FTO: variants seen among roughly 807,000 people sequenced by gnomAD.
FTO encodes the protein FTO alpha-ketoglutarate dependent dioxygenase, also known as alpha-ketoglutarate-dependent dioxygenase FTO.
Under a neutral mutation model 63.9 loss-of-function variants are expected in FTO, and 47 were observed. That is an observed-to-expected ratio of 0.74 (90% CI 0.58 to 0.94). The LOEUF (loss-of-function observed/expected upper bound fraction) is 0.94. FTO is among the 40% of genes least tolerant of loss of function. The pLI is 0.00. For synonymous variants in FTO, 207 were observed against 224.4 expected, an observed-to-expected ratio of 0.92 and a Z score of 0.69; for missense variants, 562 against 618.1, an observed-to-expected ratio of 0.91 and a Z score of 0.96.
rs149786995 is a variant in FTO at position 53,971,055 on chromosome 16, G to A, written c.1364+36946G>A. On this transcript the variant is annotated intron_variant, in intron 8 of 8. Coordinates refer to ENST00000471389, the MANE Select transcript of FTO (RefSeq NM_001080432.3). ...CATTTTATATACATGTTTTAAAATA[G>A]TTGTAATCATAGGAGCCTGTGATTT... Among the ~76,000 whole-genome samples, 140 of 152,280 alleles carry A rather than the reference G, an allele frequency of 9.2e-4. 3 individuals are homozygous for A. The East Asian group carries it at 0.025, about 27-fold the overall frequency.
intron 8 of FTO, among the ~76,000 whole-genome samples, chr16:53,958,186 A>T (rs1250491948): frequency 6.6e-6 from 1 of 152,226 alleles, no homozygotes; most frequent in Non-Finnish European, 1.5e-5. Context: ...ATGCGTGGCC[A>T]TTTTAAGAGA....
intron 8 of FTO, among the ~76,000 whole-genome samples, chr16:53,944,168 A>G (rs1051904027): frequency 2.0e-5 from 3 of 152,292 alleles, no homozygotes; most frequent in East Asian, 1.9e-4. Context: ...ATGAGGAGCT[A>G]TCTTAGGTCC....
At chr16:54,088,593 C>T (rs1412352924) in intron 8 of FTO, among the ~76,000 whole-genome samples, 5 of 152,152 alleles carry the variant, frequency 3.3e-5, no homozygotes, top group African/African-American at 9.7e-5. Flanking sequence ...TGAGATATTT[C>T]GTATTTTGAA....
At chr16:54,055,519 A>G (rs1288681858) in intron 8 of FTO, among the ~76,000 whole-genome samples, 1 of 152,208 alleles carries the variant, frequency 6.6e-6, no homozygotes, top group African/African-American at 2.4e-5. Flanking sequence ...GAAAGGATAT[A>G]TAGGAATTAA....
intron 1 of FTO, among the ~76,000 whole-genome samples, chr16:53,792,833 G>A (rs2077961752): frequency 6.6e-6 from 1 of 152,160 alleles, no homozygotes; most frequent in Non-Finnish European, 1.5e-5. Flanking sequence ...AATGTCAAGG[G>A]GTGTATCATT....
At chr16:53,895,235 T>C (rs2081249541) in intron 7 of FTO, among the ~76,000 whole-genome samples, 1 of 152,020 alleles carries the variant, frequency 6.6e-6, no homozygotes, top group South Asian at 2.1e-4. Context: ...ATCTTATGAA[T>C]TTCAGAGTTT....
At chr16:53,746,820 T>C (rs767930651) in intron 1 of FTO, among the ~76,000 whole-genome samples, 75 of 152,204 alleles carry the variant, frequency 4.9e-4, no homozygotes, top group Non-Finnish European at 8.4e-4. Flanking sequence ...TCCTGTCTAA[T>C]TGAGGCTTTG....
intron 1 of FTO, among the ~76,000 whole-genome samples, chr16:53,736,148 T>G (rs1392905922): frequency 6.6e-6 from 1 of 152,190 alleles, no homozygotes; most frequent in African/African-American, 2.4e-5. Context: ...CTGGTAGAGT[T>G]GAGGGTTTGA....
intron 7 of FTO, among the ~76,000 whole-genome samples, chr16:53,893,404 C>G (rs2081201872): frequency 6.6e-6 from 1 of 152,112 alleles, no homozygotes; most frequent in Non-Finnish European, 1.5e-5. Context: ...TTGAAAGAAA[C>G]TGTACAGCTG....
rs115241974 is a variant in FTO, at chr16:54,117,488, T to C, written c.*5573T>C. On this transcript the variant is annotated 3_prime_UTR_variant, in exon 9 of 9. Coordinates refer to ENST00000471389, the MANE Select transcript of FTO (RefSeq NM_001080432.3). ...AAGTGATTCATATCATGTCTGGTAC[T>C]TAAAAATCACGCCACGCATGTACAT... The C allele has an allele frequency of 5.8e-4, 89 of 152,306 alleles. No homozygotes were observed. Among genetic ancestry groups the C allele is most frequent in the African/African-American group, 2.1e-3 (86 of 41,562 alleles). 9.4% of individuals were successfully genotyped at this position (152,306 alleles called of 1,614,324 possible). A position where few individuals can be genotyped will look rare whatever the true frequency, so the allele number is the denominator to read the frequency against.
chr16:53,963,935 T>C (rs577540020), intron 8 of FTO, among the ~76,000 whole-genome samples: 78 of 152,284 alleles, frequency 5.1e-4, no homozygotes, highest in Admixed American at 9.1e-4. Context: ...ATATTTTTAG[T>C]AGAGACAGGG....
At chr16:54,026,192 G>T (rs534219956) in intron 8 of FTO, among the ~76,000 whole-genome samples, 5 of 152,276 alleles carry the variant, frequency 3.3e-5, no homozygotes, top group African/African-American at 1.2e-4. Flanking sequence ...AAAGAACAGG[G>T]TTATTCTGGT....
At chr16:54,024,259 C>G (rs548450795) in intron 8 of FTO, among the ~76,000 whole-genome samples, 1 of 152,274 alleles carries the variant, frequency 6.6e-6, no homozygotes, top group South Asian at 2.1e-4. Flanking sequence ...CAGTCTCACT[C>G]TGTCACCAGG....
chr16:53,821,131 C>G (rs2078857553), intron 2 of FTO, among the ~76,000 whole-genome samples: 1 of 152,058 alleles, frequency 6.6e-6, no homozygotes, highest in African/African-American at 2.4e-5. Context: ...ATAAGGGCAG[C>G]AGAATTTTAA....
chr16:54,081,116 A>AT (rs1286943340), intron 8 of FTO, among the ~76,000 whole-genome samples: 2 of 151,822 alleles, frequency 1.3e-5, no homozygotes, highest in African/African-American at 4.8e-5. Context: ...TCGCATCAAT[A>AT]TTTTTTTTCA....
intron 8 of FTO, among the ~76,000 whole-genome samples, chr16:54,034,521 T>C (rs1256412058): frequency 6.6e-6 from 1 of 152,174 alleles, no homozygotes; most frequent in Non-Finnish European, 1.5e-5. Context: ...CCCAAAAGTT[T>C]CCCAAATTCT....
chr16:53,735,548 C>G (rs544890263), intron 1 of FTO, among the ~76,000 whole-genome samples: 1 of 152,186 alleles, frequency 6.6e-6, no homozygotes, highest in Non-Finnish European at 1.5e-5. Flanking sequence ...TGATCACCCT[C>G]CTTTTTTAGG....
rs1420570 is a variant in FTO, at chr16:53,885,287, T to G, written c.1120-3545T>G. On this transcript the variant is annotated intron_variant, in intron 6 of 8. Coordinates refer to ENST00000471389, the MANE Select transcript of FTO (RefSeq NM_001080432.3). ...GTTTAAGGAGAGAGTCAGCTACTTCTTTCTCTTGGCAGTGGGGAAACTGGT... is the reference window on the plus strand; with the variant it reads ...GTTTAAGGAGAGAGTCAGCTACTTCGTTCTCTTGGCAGTGGGGAAACTGGT... Among the ~76,000 whole-genome samples the G allele has an allele frequency of 3.5e-3, 538 of 152,308 alleles. 13 individuals carry two copies. Among genetic ancestry groups the G allele is most frequent in the Admixed American group, 0.034 (514 of 15,302 alleles).
At chr16:54,096,828 C>T (rs1238249889) in intron 8 of FTO, among the ~76,000 whole-genome samples, 2 of 152,136 alleles carry the variant, frequency 1.3e-5, no homozygotes, top group East Asian at 3.9e-4. Context: ...TAATTACCTC[C>T]CAAAGGCCGA....
Sources: gnomAD v4.1 joint callset for allele counts (sites outside exome capture counted in the v4.1 genomes callset) on GRCh38, gnomAD v4.1.1 for gene constraint, MANE v1.5 for transcripts, NCBI Gene and HGNC (gene_info 2026-07-23, HGNC 2026-07-21) for gene names.